The following TIAL1 variants were observed in gnomAD, a reference collection of about 807,000 sequenced individuals.
The protein encoded by TIAL1 is nucleolysin TIAR.
A neutral mutation model predicts 59.7 loss-of-function variants in TIAL1; 7 were observed. The ratio of observed to expected loss-of-function variants is 0.12; its 90% confidence interval spans 0.07 to 0.22. The LOEUF is 0.22. Among genes scored for constraint, TIAL1 ranks in the 10% least tolerant of loss-of-function variants. The pLI is 1.00. For synonymous variants in TIAL1, 149 were observed against 146.3 expected (o/e 1.02, Z -0.13); for missense variants, 225 against 462.5 (o/e 0.49, Z 4.71).
At chr10:119,577,029 T>C in intron 10 of TIAL1, 51 bp downstream of exon 10, 1 of 1,599,068 alleles carries the variant, frequency 6.3e-7, no homozygotes, top group Non-Finnish European at 8.5e-7. Flanking sequence ...AAAGCTTTTA[T>C]GTGACATGTA....
chr10:119,581,145 A>C (rs1261297738), intron 5 of TIAL1, among the ~76,000 whole-genome samples: 1 of 152,064 alleles, frequency 6.6e-6, no homozygotes, highest in African/African-American at 2.4e-5. Flanking sequence ...GTTTAATTTA[A>C]ATCTACAGGA....
rs1026964007 is a variant in TIAL1, at chr10:119,582,309, G to C, written c.229-86C>G. The C allele has an allele frequency of 1.4e-6, 2 of 1,469,520 alleles. No individual in the cohort carries two copies. Among genetic ancestry groups the C allele is most frequent in the African/African-American group, 2.8e-5 (2 of 70,522 alleles). The allele number at this position is 1,469,520 out of a possible 1,614,324, so 91.0% of individuals were successfully genotyped here. On this transcript the variant is annotated intron_variant, in intron 3 of 11. Coordinates refer to ENST00000436547, the MANE Select transcript of TIAL1 (RefSeq NM_003252.4). The surrounding 1 kb of genome is among the most constrained non-coding windows in gnomAD (Gnocchi z 5.1). ...CACTTATTAAATCATTTATCAAGCA[G>C]GGTTATTTTTGTAAAAGCACTAAGC...
In TIAL1 at chr10:119,577,359, C is replaced by A. The variant is rs11199025; in HGVS notation, c.737+92G>T. The A allele has an allele frequency of 0.011, 15,294 of 1,448,140 alleles. 213 individuals are homozygous for A. The highest frequency in any genetic ancestry group is 0.052 in the South Asian group (3,886 of 74,598). The allele number at this position is 1,448,140 out of a possible 1,614,324, so 89.7% of individuals were successfully genotyped here. On this transcript the variant is annotated intron_variant, in intron 9 of 11. Transcript: ENST00000436547. ...TAAACTTCTATACTGCAAAGAAGCA[C>A]TAAAATAACAAACACTGATACCCTG... is the stretch of plus-strand genomic sequence containing the variant.
In TIAL1 at chr10:119,577,574, G is replaced by A. The variant is rs116260253; in HGVS notation, c.653-39C>T. 1,453 of 1,607,162 alleles carry A rather than the reference G, an allele frequency of 9.0e-4. 9 individuals are homozygous for A. The African/African-American group carries it at 0.017, about 19-fold the overall frequency. On this transcript the variant is annotated intron_variant, in intron 8 of 11. Coordinates refer to ENST00000436547, the MANE Select transcript of TIAL1 (RefSeq NM_003252.4). ...CATACAAATAAAACATGGCTGATGT[G>A]TATCATGAAATTCATATGAACAGTG...
rs1844801198 is a variant in TIAL1 at position 119,573,498 on chromosome 10, T to G, written c.*2167A>C. ...GGCAATATAACTAGTCTGGATAATT[T>G]TATTAAATCATAGAATATACAGTCA... On this transcript the variant is annotated 3_prime_UTR_variant, in exon 12 of 12. Transcript: ENST00000436547. The G allele has an allele frequency of 1.3e-5, 2 of 152,612 alleles. No individual in the cohort carries two copies. The highest frequency in any genetic ancestry group is 4.8e-5 in the African/African-American group (2 of 41,434). 9.5% of individuals were successfully genotyped at this position (152,612 alleles called of 1,614,324 possible).
At chr10:119,584,620 A>G (rs1305985576) in intron 2 of TIAL1, among the ~76,000 whole-genome samples, 1 of 152,124 alleles carries the variant, frequency 6.6e-6, no homozygotes, top group African/African-American at 2.4e-5. Context: ...TGAGGTCAGG[A>G]GTTCGAGACC....
At chr10:119,588,430 G>A (rs568453478) in intron 1 of TIAL1, 182 bp from the exon 2 acceptor site, 4 of 360,396 alleles carry the variant, frequency 1.1e-5, no homozygotes, top group Admixed American at 9.2e-5. Flanking sequence ...TGCAACTTCC[G>A]CCTCCCAGAT....
intron 6 of TIAL1, 92 bp from the exon 7 acceptor site, chr10:119,578,926 T>A: frequency 1.1e-6 from 1 of 895,302 alleles, no homozygotes; most frequent in Non-Finnish European, 1.8e-6. Context: ...GCTGGTTCCA[T>A]ACAAATCAGT....
intron 11 of TIAL1, 118 bp from the exon 12 acceptor site, chr10:119,575,909 T>C (rs1844965776): frequency 3.3e-6 from 3 of 916,054 alleles, no homozygotes; most frequent in South Asian, 2.1e-5. Flanking sequence ...TCAACACACC[T>C]ACAACAAATA....
intron 2 of TIAL1, among the ~76,000 whole-genome samples, chr10:119,583,468 A>G (rs1845394215): frequency 6.6e-6 from 1 of 152,212 alleles, no homozygotes; most frequent in Non-Finnish European, 1.5e-5. Flanking sequence ...CTAGAAATGA[A>G]TTTCTATGAA....
At chr10:119,576,444 A>G (rs1403757635) in intron 11 of TIAL1, among the ~76,000 whole-genome samples, 167 bp downstream of exon 11, 1 of 152,194 alleles carries the variant, frequency 6.6e-6, no homozygotes, top group African/African-American at 2.4e-5. Context: ...ATGAGAAGTA[A>G]TTTCTTAGCC....
intron 1 of TIAL1, among the ~76,000 whole-genome samples, chr10:119,595,391 A>T (rs1846112061): frequency 6.6e-6 from 1 of 151,788 alleles, no homozygotes; most frequent in Non-Finnish European, 1.5e-5. Flanking sequence ...GAGGCCGGGA[A>T]ATTAGGGTGC....
At position 119,588,190 on chromosome 10, in the gene TIAL1, G is replaced by T; in HGVS notation, c.91C>A (p.Gln31Lys). 6.3e-7 allele frequency: 1 copy of T among 1,599,862 alleles called. No individual in the cohort carries two copies. Among genetic ancestry groups the T allele is most frequent in the South Asian group, 1.1e-5 (1 of 88,832 alleles). Residue 31 changes from glutamine to lysine, a missense_variant, in exon 2 of 12, where the codon CAG becomes AAG. Gln to Lys is a moderately conservative substitution (Grantham distance 53). This residue lies in a region of TIAL1 where 39 missense variants were observed against 59.5 expected (regional missense o/e 0.66). Coordinates refer to ENST00000436547, the MANE Select transcript of TIAL1 (RefSeq NM_003252.4). ...TTACAGCTTTTACAGGGTCCAATCTGACTGAACAACTGAAGTATAAGGACT... is the reference window on the plus strand; with the variant it reads ...TTACAGCTTTTACAGGGTCCAATCTTACTGAACAACTGAAGTATAAGGACT... ...TEVLILQLFSQIGPCKSCKMI... is the reference protein window; with the variant it reads ...TEVLILQLFSKIGPCKSCKMI...
At chr10:119,577,839 C>T (rs1845082784) in intron 7 of TIAL1, 103 bp from the exon 8 acceptor site, 2 of 1,030,336 alleles carry the variant, frequency 1.9e-6, no homozygotes, top group Non-Finnish European at 1.4e-6. Context: ...GCCGGGCACC[C>T]AGCACTTTGG....
chr10:119,581,869 CAT>C (rs1376190276), intron 5 of TIAL1, 51 bp downstream of exon 5: 4 of 1,274,892 alleles, frequency 3.1e-6, no homozygotes, highest in Non-Finnish European at 4.5e-6. Context: ...ACAAGTTAAT[CAT>C]ATACAATTCT....
intron 6 of TIAL1, among the ~76,000 whole-genome samples, chr10:119,579,275 T>C (rs558696307): frequency 3.3e-5 from 5 of 151,850 alleles, no homozygotes; most frequent in South Asian, 4.2e-4. Context: ...GAGGTGGAGG[T>C]TGCAGTGGGC....
At chr10:119,591,812 C>T (rs957386891) in intron 1 of TIAL1, among the ~76,000 whole-genome samples, 1 of 152,198 alleles carries the variant, frequency 6.6e-6, no homozygotes, top group Non-Finnish European at 1.5e-5. Flanking sequence ...CAGATTGCCT[C>T]TTCATTTACA....
At chr10:119,594,188 A>G (rs1226165915) in intron 1 of TIAL1, among the ~76,000 whole-genome samples, 1 of 152,244 alleles carries the variant, frequency 6.6e-6, no homozygotes, top group African/African-American at 2.4e-5. Flanking sequence ...TCATATGAAC[A>G]TGTCACAGTT....
In TIAL1 at chr10:119,577,014, T is replaced by G; in HGVS notation, c.861+66A>C. The G allele has an allele frequency of 1.9e-6, 3 of 1,572,744 alleles. No homozygotes were observed. In the South Asian group the frequency reaches 3.5e-5, roughly 19 times the overall value. ...TTATTTTATTGTTCATTTTACAGAGTTTCCAAAGCTTTTATGTGACATGTA... is the reference window on the plus strand; with the variant it reads ...TTATTTTATTGTTCATTTTACAGAGGTTCCAAAGCTTTTATGTGACATGTA... On this transcript the variant is annotated intron_variant, in intron 10 of 11. Coordinates refer to ENST00000436547, the MANE Select transcript of TIAL1 (RefSeq NM_003252.4).
Sources: gnomAD v4.1 joint callset for allele counts (sites outside exome capture counted in the v4.1 genomes callset) on GRCh38, gnomAD v4.1.1 for gene constraint, gnomAD v4.1.1 regional missense constraint, Gnocchi (gnomAD v3.1) non-coding constraint, MANE v1.5 for transcripts, NCBI Gene and HGNC (gene_info 2026-07-23, HGNC 2026-07-21) for gene names.